The following WWC1 variants were observed in gnomAD, a reference collection of about 807,000 sequenced individuals.
WWC1 encodes WW and C2 domain containing 1, also known as protein KIBRA.
WWC1 carries 55 observed loss-of-function variants against 138.4 expected under a neutral mutation model. The ratio of observed to expected loss-of-function variants is 0.40; its 90% CI spans 0.32 to 0.50. WWC1 has a LOEUF of 0.50. WWC1 is among the 20% of genes least tolerant of loss of function. The pLI is 0.72. For synonymous variants in WWC1, 524 were observed against 564.9 expected, an observed-to-expected ratio of 0.93 and a Z score of 1.03; for missense variants, 1,226 against 1,420.4, an observed-to-expected ratio of 0.86 and a Z score of 2.20.
chr5:168,402,584 G>A (rs1211089517), intron 5 of WWC1, among the ~76,000 whole-genome samples: 1 of 152,096 alleles, frequency 6.6e-6, no homozygotes, highest in Non-Finnish European at 1.5e-5. Flanking sequence ...AGTGTGCTGG[G>A]GAAGCACTTC....
At chr5:168,403,879 C>CAT (rs1779577118) in intron 5 of WWC1, among the ~76,000 whole-genome samples, 1 of 145,550 alleles carries the variant, frequency 6.9e-6, no homozygotes. Flanking sequence ...CATACACACA[C>CAT]ACACACACAC....
chr5:168,307,165 C>T (rs1770640416), intron 1 of WWC1, among the ~76,000 whole-genome samples: 2 of 152,210 alleles, frequency 1.3e-5, no homozygotes, highest in South Asian at 4.1e-4. Flanking sequence ...AGGTAAGAAC[C>T]ATCTCCATTC....
At chr5:168,355,170 A>C (rs1775298497) in intron 1 of WWC1, among the ~76,000 whole-genome samples, 1 of 152,194 alleles carries the variant, frequency 6.6e-6, no homozygotes, top group South Asian at 2.1e-4. Flanking sequence ...GGTGGCACTC[A>C]GTCAGGCCTG....
At chr5:168,404,603 T>A (rs1361769569) in intron 5 of WWC1, among the ~76,000 whole-genome samples, 1 of 152,188 alleles carries the variant, frequency 6.6e-6, no homozygotes, top group Non-Finnish European at 1.5e-5. Context: ...ATGAGGGTTA[T>A]TTTTAGCCCA....
chr5:168,438,646 G>GGTAGACC (rs11281669), intron 15 of WWC1, among the ~76,000 whole-genome samples: 2,368 of 151,672 alleles, frequency 0.016, 68 homozygotes, highest in African/African-American at 0.055. Flanking sequence ...ACAGAGTCTG[G>GGTAGACC]TTCCACCCAC....
intron 1 of WWC1, among the ~76,000 whole-genome samples, chr5:168,318,612 T>C (rs1771803460): frequency 6.7e-6 from 1 of 149,222 alleles, no homozygotes; most frequent in East Asian, 2.0e-4. Flanking sequence ...CAGGCTGGAG[T>C]TCAATGGCGT....
chr5:168,301,445 G>A (rs1368936878), intron 1 of WWC1, among the ~76,000 whole-genome samples: 2 of 152,072 alleles, frequency 1.3e-5, no homozygotes, highest in Non-Finnish European at 2.9e-5. Context: ...AGACCACCCT[G>A]GTCAACATGG....
At chr5:168,459,819 G>A (rs933438049) in intron 19 of WWC1, among the ~76,000 whole-genome samples, 4 of 152,026 alleles carry the variant, frequency 2.6e-5, no homozygotes, top group Non-Finnish European at 4.4e-5. Flanking sequence ...CAATAGCATC[G>A]GCCTGTCACA....
At chr5:168,347,895 A>G (rs1774609817) in intron 1 of WWC1, among the ~76,000 whole-genome samples, 1 of 152,190 alleles carries the variant, frequency 6.6e-6, no homozygotes, top group African/African-American at 2.4e-5. Flanking sequence ...GAAAGAATGT[A>G]AGTCATTGTG....
chr5:168,356,863 G>A (rs1775463141), intron 1 of WWC1, among the ~76,000 whole-genome samples: 1 of 152,166 alleles, frequency 6.6e-6, no homozygotes, highest in Non-Finnish European at 1.5e-5. Context: ...TCCTGGTGGA[G>A]GAGATGGAGC....
chr5:168,413,313 C>A (rs1297843449), intron 8 of WWC1, among the ~76,000 whole-genome samples: 2 of 152,188 alleles, frequency 1.3e-5, no homozygotes, highest in African/African-American at 4.8e-5. Flanking sequence ...AGGATGATGT[C>A]ATGATTGTTG....
At chr5:168,379,481 C>T (rs991511428) in intron 2 of WWC1, among the ~76,000 whole-genome samples, 11 of 152,102 alleles carry the variant, frequency 7.2e-5, no homozygotes, top group African/African-American at 2.7e-4. Flanking sequence ...CTCACTGCAA[C>T]CTCTGCCTCC....
intron 5 of WWC1, among the ~76,000 whole-genome samples, chr5:168,403,088 T>TTTTCTTTCTTTC (rs374311223): frequency 3.2e-5 from 4 of 124,188 alleles, no homozygotes; most frequent in African/African-American, 1.4e-4. Flanking sequence ...CTTTTCTTTC[T>TTTTCTTTCTTTC]TTTCTTTCTT....
At chr5:168,314,949 C>T (rs1771445681) in intron 1 of WWC1, among the ~76,000 whole-genome samples, 1 of 152,126 alleles carries the variant, frequency 6.6e-6, no homozygotes, top group Non-Finnish European at 1.5e-5. Context: ...CGGACCTTGC[C>T]CCAACACATT....
chr5:168,432,362 T>C (rs1324775132), intron 15 of WWC1, among the ~76,000 whole-genome samples: 1 of 152,148 alleles, frequency 6.6e-6, no homozygotes, highest in African/African-American at 2.4e-5. Context: ...TCTCACTGCA[T>C]TGGCAGGAGT....
chr5:168,350,109 G>A (rs1774822764), intron 1 of WWC1, among the ~76,000 whole-genome samples: 2 of 152,154 alleles, frequency 1.3e-5, no homozygotes, highest in Non-Finnish European at 2.9e-5. Context: ...AAAGTCCAGA[G>A]GTCACTGTTC....
intron 5 of WWC1, among the ~76,000 whole-genome samples, chr5:168,403,004 CTT>C (rs762136100): frequency 3.2e-5 from 4 of 125,386 alleles, no homozygotes; most frequent in East Asian, 3.0e-4. Context: ...TCTGTTGTTT[CTT>C]TTTCTTTCTT....
At chr5:168,366,669 G>A (rs1776314048) in intron 1 of WWC1, among the ~76,000 whole-genome samples, 1 of 152,120 alleles carries the variant, frequency 6.6e-6, no homozygotes, top group Non-Finnish European at 1.5e-5. Context: ...TGTAAGGCTG[G>A]AACAATCAGT....
chr5:168,351,352 G>GT (rs895615647), intron 1 of WWC1, among the ~76,000 whole-genome samples: 15 of 152,132 alleles, frequency 9.9e-5, no homozygotes, highest in Admixed American at 1.3e-4. Flanking sequence ...GAGATCCAAT[G>GT]TTTTTTCCTG....
Sources: gnomAD v4.1 joint callset for allele counts (sites outside exome capture counted in the v4.1 genomes callset) on GRCh38, gnomAD v4.1.1 for gene constraint, MANE v1.5 for transcripts, NCBI Gene and HGNC (gene_info 2026-07-23, HGNC 2026-07-21) for gene names.